FAM13A: variants seen among roughly 807,000 people sequenced by gnomAD.
FAM13A encodes protein FAM13A.
In FAM13A, 76 loss-of-function variants were observed where a neutral mutation model predicts 129.6. The observed-to-expected ratio is 0.59, with a 90% CI of 0.49 to 0.71. The LOEUF (loss-of-function observed/expected upper bound fraction) is 0.71, where lower values mean the gene tolerates loss of function less well. FAM13A is among the 30% of genes least tolerant of loss of function. FAM13A has a pLI of 0.00. For missense variants in FAM13A, 1,108 were observed against 1,249.3 expected (o/e 0.89, Z 1.70); for synonymous variants, 443 against 449.9 (o/e 0.98, Z 0.20).
At chr4:89,041,772 T>C (rs1194932242) in intron 1 of FAM13A, among the ~76,000 whole-genome samples, 1 of 151,836 alleles carries the variant, frequency 6.6e-6, no homozygotes, top group African/African-American at 2.4e-5. Context: ...AATACAAAAA[T>C]TAGCCGGTTG....
chr4:88,809,102 C>T (rs1729143480), intron 7 of FAM13A, among the ~76,000 whole-genome samples: 1 of 152,102 alleles, frequency 6.6e-6, no homozygotes, highest in African/African-American at 2.4e-5. Flanking sequence ...TAAACTGAAG[C>T]CACAGAATGC....
chr4:88,935,271 T>C (rs1753663140), intron 5 of FAM13A, among the ~76,000 whole-genome samples: 1 of 152,180 alleles, frequency 6.6e-6, no homozygotes, highest in Non-Finnish European at 1.5e-5. Flanking sequence ...CGAACATATT[T>C]CTCTGGGCCC....
intron 6 of FAM13A, among the ~76,000 whole-genome samples, chr4:88,875,907 A>T (rs969818849): frequency 1.3e-5 from 2 of 152,226 alleles, no homozygotes; most frequent in Non-Finnish European, 2.9e-5. Context: ...TCCAACAATG[A>T]TAGACTGGAT....
chr4:88,918,721 C>A (rs1750516463), intron 5 of FAM13A, among the ~76,000 whole-genome samples: 1 of 152,184 alleles, frequency 6.6e-6, no homozygotes, highest in African/African-American at 2.4e-5. Flanking sequence ...TAATCATTAT[C>A]AGGTCTTTCC....
intron 4 of FAM13A, among the ~76,000 whole-genome samples, chr4:88,953,026 C>T (rs982511696): frequency 2.6e-5 from 4 of 152,156 alleles, no homozygotes; most frequent in African/African-American, 9.7e-5. Flanking sequence ...AAATATTTTA[C>T]AGCATCACTG....
chr4:88,738,917 A>G (rs1199982676), intron 20 of FAM13A, 113 bp downstream of exon 20: 2 of 704,876 alleles, frequency 2.8e-6, no homozygotes, highest in Non-Finnish European at 5.1e-6. Flanking sequence ...TGGCTGATTC[A>G]GCAATTAAAG....
intron 13 of FAM13A, chr4:88,759,554 C>T (rs1434554965): frequency 6.6e-6 from 1 of 152,002 alleles, no homozygotes; most frequent in African/African-American, 2.4e-5. Context: ...TCTCAGCTAG[C>T]AGTAAAGAAT....
intron 2 of FAM13A, among the ~76,000 whole-genome samples, chr4:89,022,755 T>C (rs1767440256): frequency 6.6e-6 from 1 of 152,170 alleles, no homozygotes; most frequent in East Asian, 1.9e-4. Flanking sequence ...TCTCTTTCTC[T>C]CTCTCTCCCC....
chr4:88,981,164 C>T (rs1020581488), intron 4 of FAM13A, among the ~76,000 whole-genome samples: 37 of 151,844 alleles, frequency 2.4e-4, no homozygotes, highest in African/African-American at 3.4e-4. Flanking sequence ...AGGCACAAGA[C>T]GCAGAGATAT....
At chr4:88,808,572 C>T (rs1431696038) in intron 7 of FAM13A, among the ~76,000 whole-genome samples, 1 of 152,042 alleles carries the variant, frequency 6.6e-6, no homozygotes, top group African/African-American at 2.4e-5. Context: ...AATTCTGATT[C>T]ACTTTTAATT....
chr4:88,788,371 T>C (rs1724410758), intron 9 of FAM13A, among the ~76,000 whole-genome samples: 4 of 152,112 alleles, frequency 2.6e-5, no homozygotes, highest in Admixed American at 2.6e-4. Context: ...CACAAATAAT[T>C]TTATGATGCC....
intron 6 of FAM13A, among the ~76,000 whole-genome samples, chr4:88,896,387 A>T (rs1056209470): frequency 6.6e-6 from 1 of 152,146 alleles, no homozygotes; most frequent in Non-Finnish European, 1.5e-5. Flanking sequence ...AACCTGCACA[A>T]TGTGCACATG....
At chr4:88,917,378 CCACCCCCATGACCCAAA>C (rs1750281608) in intron 5 of FAM13A, among the ~76,000 whole-genome samples, 1 of 152,044 alleles carries the variant, frequency 6.6e-6, no homozygotes, top group African/African-American at 2.4e-5. Context: ...CACGAGGAAT[CCACCCCCATGACCCAAA>C]CACCCCCCAT....
intron 7 of FAM13A, among the ~76,000 whole-genome samples, chr4:88,830,100 A>G (rs996185690): frequency 1.3e-5 from 2 of 152,216 alleles, no homozygotes; most frequent in African/African-American, 4.8e-5. Context: ...CTGGACCATA[A>G]CAAACTTCTT....
intron 4 of FAM13A, among the ~76,000 whole-genome samples, chr4:88,945,349 C>G (rs1053006841): frequency 6.6e-6 from 1 of 152,168 alleles, no homozygotes; most frequent in South Asian, 2.1e-4. Context: ...CCTGCTAGCA[C>G]AACCAGAGAC....
chr4:88,873,007 A>G (rs1741704031), intron 6 of FAM13A, among the ~76,000 whole-genome samples: 6 of 152,236 alleles, frequency 3.9e-5, no homozygotes, highest in Admixed American at 3.9e-4. Context: ...ACACTCCTAT[A>G]TGGAAACTGA....
chr4:88,860,652 C>T (rs1739330818), intron 6 of FAM13A, among the ~76,000 whole-genome samples: 2 of 152,216 alleles, frequency 1.3e-5, no homozygotes, highest in Admixed American at 6.5e-5. Flanking sequence ...CTGTGAGCAT[C>T]ACTGCCAGAA....
intron 4 of FAM13A, among the ~76,000 whole-genome samples, chr4:88,977,520 GA>G (rs914934893): frequency 1.3e-5 from 2 of 150,562 alleles, no homozygotes; most frequent in South Asian, 2.1e-4. Context: ...AGATTACTAG[GA>G]AAAAAAAATC....
At chr4:89,007,872 T>G (rs1426095685) in intron 3 of FAM13A, among the ~76,000 whole-genome samples, 1 of 152,210 alleles carries the variant, frequency 6.6e-6, no homozygotes, top group Admixed American at 6.5e-5. Context: ...GTAAAATATC[T>G]ACTAGGTATT....
Sources: allele counts gnomAD v4.1 joint callset (sites outside exome capture counted in the v4.1 genomes callset), GRCh38; gene constraint gnomAD v4.1.1; transcripts MANE v1.5; gene names NCBI Gene and HGNC (gene_info 2026-07-23, HGNC 2026-07-21).